The following GRIA3 variants were observed in gnomAD, a reference collection of about 807,000 sequenced individuals.
GRIA3 encodes the protein glutamate ionotropic receptor AMPA type subunit 3.
A neutral mutation model predicts 63.0 loss-of-function variants in GRIA3; 3 were observed. The ratio of observed to expected loss-of-function variants is 0.05; its 90% CI spans 0.02 to 0.12. The LOEUF is 0.12. Among genes scored for constraint, GRIA3 ranks in the 10% least tolerant of loss-of-function variants. The pLI, the probability that GRIA3 is intolerant of heterozygous loss-of-function variation, is 1.00. For synonymous variants in GRIA3, 274 were observed against 257.9 expected, an observed-to-expected ratio of 1.06 and a Z score of -0.60; for missense variants, 347 against 700.9, an observed-to-expected ratio of 0.50 and a Z score of 5.70.
At chrX:123,286,013 T>A (rs1423326292) in intron 3 of GRIA3, among the ~76,000 whole-genome samples, 1 of 111,739 alleles carries the variant, frequency 8.9e-6, no homozygotes, top group Non-Finnish European at 1.9e-5. Context: ...ACCACATGAT[T>A]GGAAGTAAAA....
chrX:123,363,518 C>T (rs1476968931), intron 5 of GRIA3, among the ~76,000 whole-genome samples: 1 of 112,521 alleles, frequency 8.9e-6, no homozygotes, highest in Non-Finnish European at 1.9e-5. Flanking sequence ...CTTTGGAAGA[C>T]TGAATTGTCG....
intron 4 of GRIA3, among the ~76,000 whole-genome samples, chrX:123,349,572 G>A (rs1272025262): frequency 1.8e-5 from 2 of 112,339 alleles, no homozygotes; most frequent in South Asian, 3.7e-4. Flanking sequence ...GAGATTCCTC[G>A]GTTATACTTC....
chrX:123,324,930 C>T (rs1240437242), intron 3 of GRIA3, among the ~76,000 whole-genome samples: 2 of 112,086 alleles, frequency 1.8e-5, no homozygotes, highest in African/African-American at 6.5e-5. Flanking sequence ...CATCGCAATC[C>T]TCTCCCATTC....
At chrX:123,193,649 A>C (rs1396247830) in intron 2 of GRIA3, among the ~76,000 whole-genome samples, 1 of 112,155 alleles carries the variant, frequency 8.9e-6, no homozygotes, top group Non-Finnish European at 1.9e-5. Flanking sequence ...GCAAAATAGC[A>C]AAATTCCCCA....
rs921043417 is a variant in GRIA3 at position 123,490,558 on chromosome X, T to G, written c.*1848T>G. Reference sequence around the variant, plus strand: ...TAGGCACTGTATAAAGAAAAATGTATGTTTATTAACTCAAATCAGTTTTTC... The same window carrying G: ...TAGGCACTGTATAAAGAAAAATGTAGGTTTATTAACTCAAATCAGTTTTTC... On this transcript the variant is annotated 3_prime_UTR_variant, in exon 16 of 16. Transcript: ENST00000620443. The G allele has an allele frequency of 1.8e-5, 2 of 112,659 alleles. No homozygotes were observed. Among genetic ancestry groups the G allele is most frequent in the Non-Finnish European group, 3.7e-5 (2 of 53,350 alleles). The allele number at this position is 112,659 out of a possible 1,213,427, so 9.3% of individuals were successfully genotyped here. A position where few individuals can be genotyped will look rare whatever the true frequency, so the allele number is the denominator to read the frequency against.
At chrX:123,440,926 C>T (rs2045670581) in intron 12 of GRIA3, among the ~76,000 whole-genome samples, 1 of 111,539 alleles carries the variant, frequency 9.0e-6, no homozygotes, top group Non-Finnish European at 1.9e-5. Flanking sequence ...TTTTGGGTTT[C>T]ACATTTAACA....
intron 5 of GRIA3, among the ~76,000 whole-genome samples, chrX:123,381,817 G>A (rs1257280333): frequency 8.9e-6 from 1 of 112,132 alleles, no homozygotes; most frequent in Non-Finnish European, 1.9e-5. Context: ...AAAGAAAGAT[G>A]ACGAAGAGTC....
intron 5 of GRIA3, among the ~76,000 whole-genome samples, chrX:123,384,395 C>T (rs893133090): frequency 3.6e-5 from 4 of 112,115 alleles, no homozygotes; most frequent in Non-Finnish European, 7.5e-5. Context: ...GAGACCAAGG[C>T]GGGTGGATCA....
chrX:123,321,367 G>A (rs1189021413), intron 3 of GRIA3, among the ~76,000 whole-genome samples: 2 of 111,743 alleles, frequency 1.8e-5, no homozygotes, highest in African/African-American at 6.5e-5. Flanking sequence ...TCATTTGGGG[G>A]ACTGTTAAAA....
In GRIA3 at chrX:123,417,758, A is replaced by G. The variant is rs1162534121; in HGVS notation, c.1857A>G (p.Gln619=). The change falls in exon 11 of 16, where the codon CAA becomes CAG. Residue 619 remains glutamine (Q), a synonymous_variant. Coordinates refer to ENST00000620443, the MANE Select transcript of GRIA3 (RefSeq NM_007325.5). ...LWFSLGAFMQ[Q]GCDISPRSLS... is the part of the protein sequence containing the mutation. Reference sequence around the variant, plus strand: ...TTTCCTTGGGTGCCTTTATGCAGCAAGGATGTGATATTTCTCCAAGGTTTG... The same window carrying G: ...TTTCCTTGGGTGCCTTTATGCAGCAGGGATGTGATATTTCTCCAAGGTTTG... 8.5e-7 allele frequency: 1 copy of G among 1,182,364 alleles called. No homozygotes were observed. The highest frequency in any genetic ancestry group is 3.0e-5 in the East Asian group (1 of 33,600).
At chrX:123,431,027 T>TACACAC (rs3050442) in intron 12 of GRIA3, among the ~76,000 whole-genome samples, 1,167 of 99,315 alleles carry the variant, frequency 0.012, 10 homozygotes, top group African/African-American at 0.033. Flanking sequence ...GTAACTCACA[T>TACACAC]ACACACACAC....
At chrX:123,468,383 G>A (rs893774683) in intron 13 of GRIA3, among the ~76,000 whole-genome samples, 13 of 111,721 alleles carry the variant, frequency 1.2e-4, no homozygotes, top group Non-Finnish European at 2.4e-4. Context: ...ACTAGACAGG[G>A]ACCAGTCTAC....
chrX:123,295,395 A>G (rs929361713), intron 3 of GRIA3, among the ~76,000 whole-genome samples: 13 of 111,749 alleles, frequency 1.2e-4, no homozygotes, highest in Admixed American at 2.9e-4. Context: ...AATAACAAGC[A>G]TTCTGCATAT....
chrX:123,347,836 T>C (rs73229286), intron 4 of GRIA3, among the ~76,000 whole-genome samples: 16,900 of 111,758 alleles, frequency 0.15, 1,166 homozygotes, highest in Non-Finnish European at 0.22. Flanking sequence ...ATAACATTTA[T>C]AAAGAATTTT....
chrX:123,377,774 T>C (rs2045296445), intron 5 of GRIA3, among the ~76,000 whole-genome samples: 1 of 111,910 alleles, frequency 8.9e-6, no homozygotes, highest in African/African-American at 3.2e-5. Context: ...TTGCCTTCCT[T>C]ATACACTCTG....
At chrX:123,319,989 G>C (rs1310481856) in intron 3 of GRIA3, among the ~76,000 whole-genome samples, 1 of 111,984 alleles carries the variant, frequency 8.9e-6, no homozygotes, top group Non-Finnish European at 1.9e-5. Flanking sequence ...TATTGCTCCA[G>C]AGTAAGCCTT....
intron 10 of GRIA3, among the ~76,000 whole-genome samples, chrX:123,415,186 T>G (rs2045530141): frequency 8.9e-6 from 1 of 112,117 alleles, no homozygotes; most frequent in Non-Finnish European, 1.9e-5. Flanking sequence ...GATGAGCATT[T>G]TTTCATGTGT....
chrX:123,349,949 C>G (rs2045082737), intron 4 of GRIA3, among the ~76,000 whole-genome samples: 1 of 110,942 alleles, frequency 9.0e-6, no homozygotes, highest in African/African-American at 3.3e-5. Flanking sequence ...TGTAGCACAC[C>G]TCTTATTCAA....
At chrX:123,207,942 T>G (rs1927936902) in intron 2 of GRIA3, among the ~76,000 whole-genome samples, 1 of 112,212 alleles carries the variant, frequency 8.9e-6, no homozygotes, top group African/African-American at 3.2e-5. Context: ...AACTCAGTAC[T>G]TATTCCTACC....
Sources: allele counts gnomAD v4.1 joint callset (sites outside exome capture counted in the v4.1 genomes callset), GRCh38; gene constraint gnomAD v4.1.1; transcripts MANE v1.5; gene names NCBI Gene and HGNC (gene_info 2026-07-23, HGNC 2026-07-21).